ANKRD62: variants seen among roughly 807,000 people sequenced by gnomAD.
The protein encoded by ANKRD62 is ankyrin repeat domain 62, also known as ankyrin repeat domain-containing protein 62.
Under a neutral mutation model 98.8 loss-of-function variants are expected in ANKRD62, and 61 were observed. The ratio of observed to expected loss-of-function variants is 0.62; its 90% CI spans 0.50 to 0.76. ANKRD62 has a LOEUF of 0.76. Ranked by LOEUF, ANKRD62 falls within the 30% of genes least tolerant of loss-of-function variation. ANKRD62 has a pLI of 0.00. For missense variants in ANKRD62, 933 were observed against 1,082.9 expected (o/e 0.86, Z 1.94); for synonymous variants, 341 against 367.9 (o/e 0.93, Z 0.84).
the ANKRD62 span, among the ~76,000 whole-genome samples, chr18:12,161,238 T>A: frequency 6.6e-6 from 1 of 152,154 alleles, no homozygotes; most frequent in African/African-American, 2.4e-5. Context: ...GAAAAGATAA[T>A]GCAAATAGGA....
chr18:12,095,111 T>G, intron 1 of ANKRD62, 60 bp from the exon 2 acceptor site: 1 of 1,144,330 alleles, frequency 8.7e-7, no homozygotes, highest in Non-Finnish European at 1.3e-6. Flanking sequence ...ATTGCATGCG[T>G]CGTTGTATGT....
the ANKRD62 span, among the ~76,000 whole-genome samples, chr18:12,139,546 T>A: frequency 4.7e-4 from 71 of 152,056 alleles, no homozygotes; most frequent in African/African-American, 1.6e-3. Flanking sequence ...CTTGGGAGGC[T>A]GAGCTAGGAG....
chr18:12,180,826 T>G, the ANKRD62 span, among the ~76,000 whole-genome samples: 1 of 150,936 alleles, frequency 6.6e-6, no homozygotes, highest in East Asian at 2.0e-4. Context: ...TAAGTTTTAG[T>G]GTACATGTGC....
At chr18:12,103,757 AAT>A (rs1313031721) in intron 7 of ANKRD62, among the ~76,000 whole-genome samples, 2 of 152,118 alleles carry the variant, frequency 1.3e-5, no homozygotes, top group African/African-American at 4.8e-5. Flanking sequence ...GACCTTGCAA[AAT>A]GGCACTTTTG....
At chr18:12,150,126 T>C in the ANKRD62 span, among the ~76,000 whole-genome samples, 1 of 151,066 alleles carries the variant, frequency 6.6e-6, no homozygotes, top group African/African-American at 2.4e-5. Context: ...CCTGACGGAG[T>C]TGAGTAACAC....
chr18:12,096,565 A>C (rs1456093725), intron 4 of ANKRD62, among the ~76,000 whole-genome samples: 1 of 152,202 alleles, frequency 6.6e-6, no homozygotes, highest in African/African-American at 2.4e-5. Flanking sequence ...ATATGATCTT[A>C]ACTAAAGGGA....
chr18:12,153,320 G>A, the ANKRD62 span, among the ~76,000 whole-genome samples: 1 of 152,176 alleles, frequency 6.6e-6, no homozygotes, highest in East Asian at 1.9e-4. Context: ...GCCAGGCACA[G>A]TGGCTCATGC....
intron 7 of ANKRD62, among the ~76,000 whole-genome samples, chr18:12,105,001 T>C (rs919567698): frequency 1.3e-5 from 2 of 152,134 alleles, no homozygotes; most frequent in African/African-American, 4.8e-5. Flanking sequence ...CCAGAAGTAG[T>C]TACAATTGAA....
chr18:12,101,848 G>A lies in ANKRD62; in HGVS notation c.821-1310G>A, dbSNP rs954523960. 6 of 574,142 alleles carry A rather than the reference G, an allele frequency of 1.0e-5. No homozygotes were observed. In the Admixed American group the frequency reaches 1.2e-4, roughly 11 times the overall value. The allele number at this position is 574,142 out of a possible 1,614,324, so 35.6% of individuals were successfully genotyped here. On this transcript the variant is annotated intron_variant, in intron 6 of 13. Transcript: ENST00000587848. ...ACCTTTTCCTCAAATATTAAATTTGGAAAACAATCTTGTGATTAAGAGAAG... is the reference window on the plus strand; with the variant it reads ...ACCTTTTCCTCAAATATTAAATTTGAAAAACAATCTTGTGATTAAGAGAAG...
intron 8 of ANKRD62, among the ~76,000 whole-genome samples, chr18:12,110,299 CAAGT>C (rs1482215050): frequency 6.6e-6 from 1 of 152,124 alleles, no homozygotes; most frequent in Non-Finnish European, 1.5e-5. Context: ...TGAGTTTTCT[CAAGT>C]AAGAAATACT....
chr18:12,116,223 G>T (rs1909661477), intron 10 of ANKRD62, among the ~76,000 whole-genome samples: 2 of 152,134 alleles, frequency 1.3e-5, no homozygotes, highest in African/African-American at 4.8e-5. Flanking sequence ...AGTGTCCTAT[G>T]CTGCTTTATG....
At chr18:12,136,666 G>C in the ANKRD62 span, among the ~76,000 whole-genome samples, 12 of 152,016 alleles carry the variant, frequency 7.9e-5, no homozygotes, top group Non-Finnish European at 1.3e-4. Context: ...TTGATTCTTC[G>C]TACCCATCAG....
chr18:12,146,395 C>T, the ANKRD62 span, among the ~76,000 whole-genome samples: 51 of 152,158 alleles, frequency 3.4e-4, no homozygotes, highest in Non-Finnish European at 5.6e-4. Context: ...CTGGAAGAGA[C>T]CCCCAGCACA....
At chr18:12,099,903 A>G (rs207476657) in intron 6 of ANKRD62, among the ~76,000 whole-genome samples, 1 of 152,210 alleles carries the variant, frequency 6.6e-6, no homozygotes, top group Admixed American at 6.5e-5. Flanking sequence ...AAAACTCATT[A>G]TCGTAGTTTC....
chr18:12,173,767 G>A, the ANKRD62 span, among the ~76,000 whole-genome samples: 1 of 152,210 alleles, frequency 6.6e-6, no homozygotes, highest in Non-Finnish European at 1.5e-5. Flanking sequence ...GGCTGGTTAT[G>A]AAATTCTGGG....
In ANKRD62 at chr18:12,126,117, G is replaced by C. The variant is rs906109047; in HGVS notation, c.2296G>C (p.Val766Leu). 1.4e-5 allele frequency: 22 copies of C among 1,536,012 alleles called. No individual in the cohort carries two copies. The African/African-American group carries it at 2.9e-4, about 20-fold the overall frequency. Reference protein sequence around the residue: ...QNDQPILEKYVRKQQSVEDGL... With the variant: ...QNDQPILEKYLRKQQSVEDGL... Reference sequence around the variant, plus strand: ...TGACCAACCTATTTTGGAAAAATACGTGAGAAAGCAGCAATCTGTAGAGGA... The same window carrying C: ...TGACCAACCTATTTTGGAAAAATACCTGAGAAAGCAGCAATCTGTAGAGGA... The change falls in exon 13 of 14, where the codon GTG becomes CTG. Residue 766 changes from valine (V) to leucine (L), a missense_variant. Coordinates refer to ENST00000587848, the MANE Select transcript of ANKRD62 (RefSeq NM_001277333.2).
chr18:12,150,291 A>T, the ANKRD62 span, among the ~76,000 whole-genome samples: 1 of 152,224 alleles, frequency 6.6e-6, no homozygotes, highest in Non-Finnish European at 1.5e-5. Flanking sequence ...AACCTCTGAA[A>T]AGTATGGGAC....
At chr18:12,115,580 A>G (rs1251492293) in intron 10 of ANKRD62, 46 bp downstream of exon 10, 7 of 1,490,526 alleles carry the variant, frequency 4.7e-6, no homozygotes, top group Non-Finnish European at 6.3e-6. Flanking sequence ...ATCCTATAGT[A>G]ATGTATGCAC....
the ANKRD62 span, among the ~76,000 whole-genome samples, chr18:12,176,243 C>T: frequency 6.6e-6 from 1 of 151,220 alleles, no homozygotes; most frequent in Non-Finnish European, 1.5e-5. Flanking sequence ...AATGGCAGGA[C>T]AAGGTGTCCT....
Sources: allele counts gnomAD v4.1 joint callset (sites outside exome capture counted in the v4.1 genomes callset), GRCh38; gene constraint gnomAD v4.1.1; transcripts MANE v1.5; gene names NCBI Gene and HGNC (gene_info 2026-07-23, HGNC 2026-07-21).